Variants in RAB27B observed in about 807,000 individuals in gnomAD.
The protein encoded by RAB27B is ras-related protein Rab-27B.
In RAB27B, 15 loss-of-function variants were observed where a neutral mutation model predicts 24.6. The ratio of observed to expected loss-of-function variants is 0.61; its 90% CI spans 0.41 to 0.94. The LOEUF is 0.94. Among genes scored for constraint, RAB27B ranks in the 40% least tolerant of loss-of-function variants. The pLI is 0.00. For synonymous variants in RAB27B, 105 were observed against 92.5 expected (o/e 1.14, Z -0.78); for missense variants, 261 against 266.8 (o/e 0.98, Z 0.15).
chr18:54,878,727 T>C (rs913456405), intron 2 of RAB27B, among the ~76,000 whole-genome samples: 2 of 146,192 alleles, frequency 1.4e-5, no homozygotes, highest in African/African-American at 5.0e-5. Flanking sequence ...TCTTTTAGGC[T>C]TTGCTTAAAC....
At chr18:54,750,397 T>A (rs1053303825) in intron 2 of RAB27B, among the ~76,000 whole-genome samples, 4 of 152,330 alleles carry the variant, frequency 2.6e-5, no homozygotes, top group South Asian at 2.1e-4. Context: ...ACTGAACAAC[T>A]GTATAGAAAT....
chr18:54,861,913 G>A (rs530007402), intron 1 of RAB27B, among the ~76,000 whole-genome samples: 2 of 152,078 alleles, frequency 1.3e-5, no homozygotes, highest in Admixed American at 6.6e-5. Context: ...CTGCTTCATC[G>A]CATCACAAGT....
chr18:54,870,944 T>C (rs1359198851), intron 1 of RAB27B, among the ~76,000 whole-genome samples: 1 of 152,210 alleles, frequency 6.6e-6, no homozygotes, highest in Non-Finnish European at 1.5e-5. Context: ...TATACTATTC[T>C]CTCAAATTTA....
chr18:54,740,567 G>A (rs993406366), intron 2 of RAB27B, among the ~76,000 whole-genome samples: 1 of 152,188 alleles, frequency 6.6e-6, no homozygotes, highest in African/African-American at 2.4e-5. Flanking sequence ...ACAGTGGAAT[G>A]TCTCCAGTCA....
intron 2 of RAB27B, among the ~76,000 whole-genome samples, chr18:54,791,110 A>C (rs566292084): frequency 7.6e-4 from 115 of 152,308 alleles, no homozygotes; most frequent in South Asian, 5.2e-3. Context: ...ATTATTTGTC[A>C]TTTGGATTTT....
In RAB27B at chr18:54,894,016, C is replaced by T. The variant is rs1028010614; in HGVS notation, c.*4603C>T. ...TCGTTGTTGGCATAAAAATGTGATA[C>T]ACTTAGAGACATTTTGTTTATTGCA... is the stretch of plus-strand genomic sequence containing the variant. On this transcript the variant is annotated 3_prime_UTR_variant, in exon 6 of 6. Transcript: ENST00000262094. The T allele has an allele frequency of 2.6e-5, 4 of 151,828 alleles. No homozygotes were observed. The highest frequency in any genetic ancestry group is 1.3e-4 in the Admixed American group (2 of 15,214). The allele number at this position is 151,828 out of a possible 1,614,324, so 9.4% of individuals were successfully genotyped here. A position where few individuals can be genotyped will look rare whatever the true frequency, so the allele number is the denominator to read the frequency against.
intron 1 of RAB27B, among the ~76,000 whole-genome samples, chr18:54,855,087 T>C (rs995558823): frequency 2.0e-5 from 3 of 152,142 alleles, no homozygotes; most frequent in Non-Finnish European, 2.9e-5. Context: ...CTGGGGGTGA[T>C]GGGAGACAGT....
intron 2 of RAB27B, among the ~76,000 whole-genome samples, chr18:54,810,910 C>T (rs1174123052): frequency 6.6e-6 from 1 of 151,750 alleles, no homozygotes; most frequent in East Asian, 1.9e-4. Context: ...CCTCCCCCTG[C>T]AATTGTAGAC....
chr18:54,860,026 C>G (rs1189793406), intron 1 of RAB27B, among the ~76,000 whole-genome samples: 1 of 152,078 alleles, frequency 6.6e-6, no homozygotes, highest in African/African-American at 2.4e-5. Context: ...TTCAATTAGG[C>G]TAGTAAGTAG....
At chr18:54,752,316 C>A (rs371149694) in intron 2 of RAB27B, among the ~76,000 whole-genome samples, 9 of 152,232 alleles carry the variant, frequency 5.9e-5, no homozygotes, top group African/African-American at 1.9e-4. Context: ...ATTTGAGGAG[C>A]TTTTATTAAA....
chr18:54,788,451 T>C (rs900423861), intron 2 of RAB27B, among the ~76,000 whole-genome samples: 3 of 152,146 alleles, frequency 2.0e-5, no homozygotes, highest in Non-Finnish European at 4.4e-5. Context: ...TACAGGTGCC[T>C]GACACCACAC....
chr18:54,851,043 A>G (rs1911566931), intron 1 of RAB27B, among the ~76,000 whole-genome samples: 1 of 152,094 alleles, frequency 6.6e-6, no homozygotes, highest in Non-Finnish European at 1.5e-5. Flanking sequence ...CTAATATATG[A>G]AAGTGCAATG....
At chr18:54,837,090 A>G (rs1372231661) in intron 1 of RAB27B, among the ~76,000 whole-genome samples, 2 of 131,842 alleles carry the variant, frequency 1.5e-5, no homozygotes, top group African/African-American at 5.1e-5. Context: ...CCTACTCTTA[A>G]AGAACTTAGA....
intron 2 of RAB27B, among the ~76,000 whole-genome samples, chr18:54,765,411 A>G (rs1289640653): frequency 1.3e-5 from 2 of 152,162 alleles, no homozygotes; most frequent in African/African-American, 4.8e-5. Flanking sequence ...ACTTCAAGAT[A>G]TTGTTCGTGC....
chr18:54,824,468 A>G (rs1910409794), upstream of RAB27B, among the ~76,000 whole-genome samples: 1 of 152,194 alleles, frequency 6.6e-6, no homozygotes, highest in East Asian at 1.9e-4. Context: ...TGAGGTAGCC[A>G]TGTCACACCC....
intron 4 of RAB27B, among the ~76,000 whole-genome samples, chr18:54,886,614 C>T (rs1490379864): frequency 1.3e-5 from 2 of 151,638 alleles, no homozygotes; most frequent in African/African-American, 2.4e-5. Flanking sequence ...ATTTCATTAC[C>T]CAAATTTTGG....
chr18:54,792,125 T>C (rs1033976072), intron 2 of RAB27B, among the ~76,000 whole-genome samples: 1 of 152,160 alleles, frequency 6.6e-6, no homozygotes, highest in Non-Finnish European at 1.5e-5. Flanking sequence ...AAGCCACCTG[T>C]AGACAGCAAA....
chr18:54,871,924 C>T (rs941222517), intron 1 of RAB27B, among the ~76,000 whole-genome samples: 13 of 151,576 alleles, frequency 8.6e-5, no homozygotes, highest in Non-Finnish European at 1.9e-4. Context: ...AGGTTCATAG[C>T]TTGTCAAGGC....
At chr18:54,842,342 G>A (rs957593421) in intron 1 of RAB27B, among the ~76,000 whole-genome samples, 16 of 152,212 alleles carry the variant, frequency 1.1e-4, no homozygotes, top group Admixed American at 3.3e-4. Context: ...TTACAGAATC[G>A]CTAGAGGACT....
Sources: gnomAD v4.1 joint callset for allele counts (sites outside exome capture counted in the v4.1 genomes callset) on GRCh38, gnomAD v4.1.1 for gene constraint, MANE v1.5 for transcripts, NCBI Gene and HGNC (gene_info 2026-07-23, HGNC 2026-07-21) for gene names.